Variants in NDUFS4 observed in about 807,000 individuals in gnomAD.
NDUFS4 encodes NADH dehydrogenase [ubiquinone] iron-sulfur protein 4, mitochondrial.
A neutral mutation model predicts 24.3 loss-of-function variants in NDUFS4; 28 were observed. That is an observed-to-expected ratio of 1.15 (90% confidence interval 0.85 to 1.58). The LOEUF is 1.58. Ranked by LOEUF, NDUFS4 falls within the 40% of genes most tolerant of loss-of-function variation. The pLI, the probability that NDUFS4 is intolerant of heterozygous loss-of-function variation, is 0.00. For synonymous variants in NDUFS4, 93 were observed against 69.7 expected, an observed-to-expected ratio of 1.34 and a Z score of -1.67; for missense variants, 223 against 207.9, an observed-to-expected ratio of 1.07 and a Z score of -0.45.
At chr5:53,579,852 G>A (rs1749499100) in intron 1 of NDUFS4, among the ~76,000 whole-genome samples, 1 of 152,188 alleles carries the variant, frequency 6.6e-6, no homozygotes, top group Admixed American at 6.5e-5. Flanking sequence ...GAGAAATAGT[G>A]TAGAGTTGGA....
chr5:53,626,904 A>G (rs116098467), intron 2 of NDUFS4, among the ~76,000 whole-genome samples: 14,117 of 152,168 alleles, frequency 0.093, 780 homozygotes, highest in Middle Eastern at 0.13. Flanking sequence ...CCATATGTCT[A>G]TTTTGACTTT....
intron 3 of NDUFS4, among the ~76,000 whole-genome samples, chr5:53,655,292 A>G (rs1427579441): frequency 6.6e-6 from 1 of 151,696 alleles, no homozygotes. Context: ...ATTTCATCCC[A>G]TGCTTTTTTC....
At chr5:53,622,917 A>T (rs193226296) in intron 2 of NDUFS4, among the ~76,000 whole-genome samples, 1 of 152,058 alleles carries the variant, frequency 6.6e-6, no homozygotes, top group Non-Finnish European at 1.5e-5. Flanking sequence ...CATAACCTCT[A>T]TTATACTTTC....
intron 1 of NDUFS4, among the ~76,000 whole-genome samples, chr5:53,576,242 C>T (rs904643636): frequency 6.6e-6 from 1 of 152,188 alleles, no homozygotes; most frequent in African/African-American, 2.4e-5. Context: ...TGTTTATACT[C>T]GTGTTCAAGT....
chr5:53,647,936 A>G (rs1276176894), intron 3 of NDUFS4, among the ~76,000 whole-genome samples: 2 of 152,174 alleles, frequency 1.3e-5, no homozygotes, highest in African/African-American at 4.8e-5. Context: ...GTTGCAGTTT[A>G]ATTAATTTAT....
intron 2 of NDUFS4, among the ~76,000 whole-genome samples, chr5:53,611,436 T>C (rs911689788): frequency 6.6e-6 from 1 of 152,028 alleles, no homozygotes; most frequent in Non-Finnish European, 1.5e-5. Flanking sequence ...TCAGAGTACT[T>C]TCTATGTTTC....
intron 1 of NDUFS4, among the ~76,000 whole-genome samples, chr5:53,598,571 G>A (rs972240254): frequency 6.6e-6 from 1 of 151,990 alleles, no homozygotes; most frequent in Non-Finnish European, 1.5e-5. Context: ...AAATATAAAG[G>A]CAGAGGAGTT....
At position 53,653,074 on chromosome 5, in the gene NDUFS4, C is replaced by T. The variant is rs1579921323; in HGVS notation, c.351-5477C>T. Among the ~76,000 whole-genome samples the T allele has an allele frequency of 2.0e-5, 3 of 152,080 alleles. No homozygotes were observed. In the East Asian group the frequency reaches 5.8e-4, roughly 29 times the overall value. On this transcript the variant is annotated intron_variant, in intron 3 of 4. Coordinates refer to ENST00000296684, the MANE Select transcript of NDUFS4 (RefSeq NM_002495.4). ...CTCAGCTGTATTAATGTACATTGGTCATTGAAACTCAGTGATCATTGGACT... is the reference window on the plus strand; with the variant it reads ...CTCAGCTGTATTAATGTACATTGGTTATTGAAACTCAGTGATCATTGGACT...
chr5:53,680,897 C>G (rs1740643897), intron 4 of NDUFS4, among the ~76,000 whole-genome samples: 2 of 151,980 alleles, frequency 1.3e-5, no homozygotes, highest in Non-Finnish European at 2.9e-5. Flanking sequence ...AACATACTAC[C>G]TAGTACACCA....
intron 2 of NDUFS4, among the ~76,000 whole-genome samples, chr5:53,640,056 A>G (rs1751667766): frequency 6.6e-6 from 1 of 152,022 alleles, no homozygotes; most frequent in Admixed American, 6.6e-5. Context: ...TAAGTGAACA[A>G]AACATCCATT....
intron 1 of NDUFS4, among the ~76,000 whole-genome samples, chr5:53,569,804 A>G (rs1172275741): frequency 6.6e-6 from 1 of 152,130 alleles, no homozygotes; most frequent in Non-Finnish European, 1.5e-5. Context: ...ATTAATGATC[A>G]AATTTCCTGA....
chr5:53,607,545 A>C (rs955270127), intron 2 of NDUFS4, among the ~76,000 whole-genome samples: 3 of 152,186 alleles, frequency 2.0e-5, no homozygotes, highest in African/African-American at 7.2e-5. Context: ...GATTTTTGAT[A>C]CTGTGTAATG....
At chr5:53,654,397 G>A (rs1316184390) in intron 3 of NDUFS4, among the ~76,000 whole-genome samples, 1 of 152,082 alleles carries the variant, frequency 6.6e-6, no homozygotes, top group African/African-American at 2.4e-5. Context: ...GATGCAGGGT[G>A]GAGGGAGTGT....
chr5:53,644,540 T>C (rs997707356), intron 2 of NDUFS4, among the ~76,000 whole-genome samples: 2 of 152,136 alleles, frequency 1.3e-5, no homozygotes, highest in African/African-American at 4.8e-5. Context: ...CTTTAAGCTC[T>C]TAAATAGAGA....
rs541404663 is a variant in NDUFS4, at chr5:53,598,820, A to T, written c.99-4632A>T. 3.9e-5 allele frequency among the ~76,000 whole-genome samples: 6 copies of T among 152,324 alleles called. No homozygotes were observed. The South Asian group carries it at 1.2e-3, about 32-fold the overall frequency. ...TCTCTTTTTCTTTCAGGAAACTTAT[A>T]CAGAAAAACAGAATAAATGGCTTGT... On this transcript the variant is annotated intron_variant, in intron 1 of 4. Transcript: ENST00000296684.
chr5:53,677,704 A>G (rs1046722164), intron 4 of NDUFS4, among the ~76,000 whole-genome samples: 1 of 152,216 alleles, frequency 6.6e-6, no homozygotes, highest in Non-Finnish European at 1.5e-5. Flanking sequence ...TCCAAGTACC[A>G]GTATACCTTG....
At chr5:53,637,071 T>C (rs1751578307) in intron 2 of NDUFS4, among the ~76,000 whole-genome samples, 1 of 152,340 alleles carries the variant, frequency 6.6e-6, no homozygotes, top group East Asian at 1.9e-4. Flanking sequence ...AGGCTCTTTT[T>C]AAGTCTGCTT....
intron 1 of NDUFS4, among the ~76,000 whole-genome samples, chr5:53,589,344 T>A (rs1749868836): frequency 6.6e-6 from 1 of 152,164 alleles, no homozygotes; most frequent in Non-Finnish European, 1.5e-5. Context: ...TAACAGAGAT[T>A]TATTTCTTGT....
intron 2 of NDUFS4, among the ~76,000 whole-genome samples, chr5:53,631,327 C>T (rs1324850271): frequency 6.6e-6 from 1 of 152,202 alleles, no homozygotes; most frequent in Non-Finnish European, 1.5e-5. Flanking sequence ...TCGGCCCCTA[C>T]TGGGAGGCGT....
Sources: gnomAD v4.1 joint callset for allele counts (sites outside exome capture counted in the v4.1 genomes callset) on GRCh38, gnomAD v4.1.1 for gene constraint, MANE v1.5 for transcripts, NCBI Gene and HGNC (gene_info 2026-07-23, HGNC 2026-07-21) for gene names.